RAD51B: variants seen among roughly 807,000 people sequenced by gnomAD.
The protein encoded by RAD51B is RAD51 paralog B, also known as DNA repair protein RAD51 homolog 2.
A neutral mutation model predicts 42.2 loss-of-function variants in RAD51B; 38 were observed. The observed-to-expected ratio is 0.90, with a 90% confidence interval of 0.70 to 1.18. The LOEUF (loss-of-function observed/expected upper bound fraction) is 1.18. RAD51B is among the 50% of genes most tolerant of loss of function. The probability of loss-of-function intolerance (pLI) is 0.00; values close to 1 mark genes in which losing one functional copy is unlikely to be tolerated. For missense variants in RAD51B, 373 were observed against 400.7 expected (o/e 0.93, Z 0.59); for synonymous variants, 154 against 145.2 (o/e 1.06, Z -0.43).
intron 3 of RAD51B, among the ~76,000 whole-genome samples, chr14:67,830,412 T>G (rs894242538): frequency 8.5e-5 from 6 of 70,990 alleles, no homozygotes; most frequent in African/African-American, 3.2e-4. Flanking sequence ...TAATTTTTGT[T>G]TTTTTTTGAG....
At chr14:68,145,044 A>G (rs1056421325) in intron 7 of RAD51B, among the ~76,000 whole-genome samples, 1 of 152,174 alleles carries the variant, frequency 6.6e-6, no homozygotes, top group African/African-American at 2.4e-5. Context: ...ATTGTCTACA[A>G]TTCATAGAAT....
chr14:68,567,902 C>T (rs1295466932), intron 10 of RAD51B, among the ~76,000 whole-genome samples: 2 of 152,320 alleles, frequency 1.3e-5, no homozygotes, highest in South Asian at 2.1e-4. Context: ...GGCAGGAGTT[C>T]CATATGCAGG....
Position 67,827,647 on chromosome 14 carries a change from A to G in RAD51B, c.198+2070A>G, listed in dbSNP as rs138483706. On this transcript the variant is annotated intron_variant, in intron 3 of 10. Coordinates refer to ENST00000471583, the MANE Select transcript of RAD51B (RefSeq NM_133510.4). ...TCTCCCTCTCCCCCACAACCTCGCAACAGGCCCCAATGTGTGTTGTTCCCT... is the reference window on the plus strand; with the variant it reads ...TCTCCCTCTCCCCCACAACCTCGCAGCAGGCCCCAATGTGTGTTGTTCCCT... Among the ~76,000 whole-genome samples, 48 of 152,148 alleles carry G rather than the reference A, an allele frequency of 3.2e-4. No homozygotes were observed. The East Asian group carries it at 3.7e-3, about 12-fold the overall frequency.
intron 7 of RAD51B, among the ~76,000 whole-genome samples, chr14:67,948,651 G>T (rs949386334): frequency 2.0e-5 from 3 of 151,900 alleles, no homozygotes; most frequent in Admixed American, 1.3e-4. Flanking sequence ...CAATATATAG[G>T]CCGGGCACGG....
At chr14:68,145,221 GT>G (rs2078224970) in intron 7 of RAD51B, among the ~76,000 whole-genome samples, 1 of 152,160 alleles carries the variant, frequency 6.6e-6, no homozygotes, top group Non-Finnish European at 1.5e-5. Flanking sequence ...TTGTCTAGTG[GT>G]TTTCCATTAT....
At chr14:68,261,045 G>A (rs2080877262) in intron 7 of RAD51B, among the ~76,000 whole-genome samples, 1 of 152,168 alleles carries the variant, frequency 6.6e-6, no homozygotes, top group Non-Finnish European at 1.5e-5. Context: ...TGATTTCATA[G>A]AATCAATTTT....
At chr14:68,681,452 T>G (rs1893429039) in intron 11 of RAD51B, among the ~76,000 whole-genome samples, 1 of 152,152 alleles carries the variant, frequency 6.6e-6, no homozygotes, top group Non-Finnish European at 1.5e-5. Context: ...ATCGGGCAAG[T>G]GGCTAAACTG....
At chr14:68,513,484 C>T (rs1034620019) in intron 10 of RAD51B, among the ~76,000 whole-genome samples, 2 of 152,236 alleles carry the variant, frequency 1.3e-5, no homozygotes, top group African/African-American at 2.4e-5. Flanking sequence ...GGGTCTGAAG[C>T]CCCCAGCTGG....
At chr14:68,537,699 C>A (rs1026720214) in intron 10 of RAD51B, among the ~76,000 whole-genome samples, 88 of 152,220 alleles carry the variant, frequency 5.8e-4, no homozygotes, top group African/African-American at 2.0e-3. Flanking sequence ...ATTAAAAAGA[C>A]AATTAATGGG....
At chr14:68,142,452 C>T (rs1038051304) in intron 7 of RAD51B, among the ~76,000 whole-genome samples, 3 of 152,050 alleles carry the variant, frequency 2.0e-5, no homozygotes, top group Non-Finnish European at 2.9e-5. Flanking sequence ...AGTAACTTTT[C>T]ATTCTTTATG....
At chr14:68,053,401 G>A (rs552442214) in intron 7 of RAD51B, among the ~76,000 whole-genome samples, 84 of 152,236 alleles carry the variant, frequency 5.5e-4, no homozygotes, top group African/African-American at 1.9e-3. Flanking sequence ...AAAATGTATG[G>A]GTCAAACAGA....
At chr14:68,110,797 G>C (rs905695532) in intron 7 of RAD51B, among the ~76,000 whole-genome samples, 1 of 151,980 alleles carries the variant, frequency 6.6e-6, no homozygotes, top group Non-Finnish European at 1.5e-5. Context: ...AAAAGCCCAT[G>C]ATCTATTATG....
At chr14:68,197,879 A>G (rs994906544) in intron 7 of RAD51B, among the ~76,000 whole-genome samples, 2 of 152,262 alleles carry the variant, frequency 1.3e-5, no homozygotes, top group Non-Finnish European at 2.9e-5. Context: ...TATTCTGAAT[A>G]TAAGTCCTTT....
chr14:68,326,029 TTTTCTTTTC>T (rs1285143649), intron 8 of RAD51B, among the ~76,000 whole-genome samples: 4 of 12,970 alleles, frequency 3.1e-4, no homozygotes, highest in East Asian at 0.019. Flanking sequence ...TTGTTATTCT[TTTTCTTTTC>T]TTTTTTTTTT....
intron 10 of RAD51B, among the ~76,000 whole-genome samples, chr14:68,567,598 T>C (rs545641870): frequency 6.6e-6 from 1 of 152,346 alleles, no homozygotes; most frequent in East Asian, 1.9e-4. Flanking sequence ...TACAGTATCA[T>C]ACAGAGTAGT....
chr14:68,049,366 A>G (rs2076356413), intron 7 of RAD51B, among the ~76,000 whole-genome samples: 1 of 152,208 alleles, frequency 6.6e-6, no homozygotes, highest in Non-Finnish European at 1.5e-5. Flanking sequence ...TAAAATATAT[A>G]TACATATGTA....
At chr14:68,422,377 G>A (rs1256037328) in intron 9 of RAD51B, among the ~76,000 whole-genome samples, 2 of 151,822 alleles carry the variant, frequency 1.3e-5, no homozygotes, top group South Asian at 2.1e-4. Context: ...CCTGGCCAAG[G>A]TGGTGAAACC....
intron 8 of RAD51B, among the ~76,000 whole-genome samples, chr14:68,394,707 C>G (rs1237229624): frequency 1.3e-5 from 2 of 152,230 alleles, no homozygotes; most frequent in Non-Finnish European, 2.9e-5. Flanking sequence ...CAGGGCTCCC[C>G]CAGTGGGTTT....
chr14:67,893,276 C>G lies in RAD51B; in HGVS notation c.756+6072C>G, dbSNP rs570967736. 4.6e-5 allele frequency among the ~76,000 whole-genome samples: 7 copies of G among 151,918 alleles called. No individual in the cohort carries two copies. The East Asian group carries it at 1.4e-3, about 29-fold the overall frequency. ...AGGGCATTTGGGAACTCTACCCTTT[C>G]TGCAACTTTTTGGTAAATCTAAAAT... is the stretch of plus-strand genomic sequence containing the variant. On this transcript the variant is annotated intron_variant, in intron 7 of 10. Coordinates refer to ENST00000471583, the MANE Select transcript of RAD51B (RefSeq NM_133510.4).
Sources: gnomAD v4.1 joint callset for allele counts (sites outside exome capture counted in the v4.1 genomes callset) on GRCh38, gnomAD v4.1.1 for gene constraint, MANE v1.5 for transcripts, NCBI Gene and HGNC (gene_info 2026-07-23, HGNC 2026-07-21) for gene names.